Variants in GPC3 observed in about 807,000 individuals in gnomAD.
GPC3 encodes the protein glypican 3, also known as glypican-3.
In GPC3, 3 loss-of-function variants were observed where a neutral mutation model predicts 34.4. That is an observed-to-expected ratio of 0.09 (90% CI 0.04 to 0.23). The LOEUF (loss-of-function observed/expected upper bound fraction) is 0.23. Among genes scored for constraint, GPC3 ranks in the 10% least tolerant of loss-of-function variants. The pLI, the probability that GPC3 is intolerant of heterozygous loss-of-function variation, is 1.00. For missense variants in GPC3, 351 were observed against 445.6 expected, an observed-to-expected ratio of 0.79 and a Z score of 1.91; for synonymous variants, 177 against 174.0, an observed-to-expected ratio of 1.02 and a Z score of -0.13.
chrX:133,587,081 C>T (rs2069795834), intron 7 of GPC3, among the ~76,000 whole-genome samples: 1 of 111,668 alleles, frequency 9.0e-6, no homozygotes, highest in Admixed American at 9.5e-5. Flanking sequence ...AATTTTGTAT[C>T]CTTTGACATG....
chrX:133,917,875 A>G (rs1000502193), intron 2 of GPC3, among the ~76,000 whole-genome samples: 3 of 111,743 alleles, frequency 2.7e-5, no homozygotes, highest in Admixed American at 9.5e-5. Context: ...CAGCTGCTCT[A>G]TCCCTTTGAG....
chrX:133,906,834 T>C (rs2076169828), intron 2 of GPC3, among the ~76,000 whole-genome samples: 2 of 112,137 alleles, frequency 1.8e-5, no homozygotes, highest in Admixed American at 1.9e-4. Flanking sequence ...ATCCCAGCAC[T>C]TTGGGAGGCC....
chrX:133,959,818 G>A (rs2076434305), intron 1 of GPC3, among the ~76,000 whole-genome samples: 2 of 112,012 alleles, frequency 1.8e-5, no homozygotes, highest in Admixed American at 9.5e-5. Flanking sequence ...GTTGGTATAC[G>A]GTTACGTGAC....
At chrX:133,655,476 C>CA (rs1569406868) in intron 6 of GPC3, among the ~76,000 whole-genome samples, 90 of 97,614 alleles carry the variant, frequency 9.2e-4, no homozygotes, top group African/African-American at 3.3e-3. Context: ...CTTCACACAC[C>CA]CACACACACA....
chrX:133,975,353 T>C (rs2076510424), intron 1 of GPC3, among the ~76,000 whole-genome samples: 1 of 112,706 alleles, frequency 8.9e-6, no homozygotes, highest in Non-Finnish European at 1.9e-5. Flanking sequence ...AAATCCCAAC[T>C]ATTCCAGTCC....
chrX:133,559,870 C>A (rs753809151), intron 7 of GPC3, among the ~76,000 whole-genome samples: 2 of 111,388 alleles, frequency 1.8e-5, no homozygotes, highest in Non-Finnish European at 3.8e-5. Context: ...ATCTACCCGC[C>A]CACCCTTTGA....
chrX:133,573,125 T>C (rs1212178974), intron 7 of GPC3, among the ~76,000 whole-genome samples: 1 of 111,548 alleles, frequency 9.0e-6, no homozygotes, highest in African/African-American at 3.3e-5. Context: ...ACAATGTATA[T>C]ACCATATTAA....
chrX:133,721,839 A>G, intron 3 of GPC3, among the ~76,000 whole-genome samples: 1 of 112,141 alleles, frequency 8.9e-6, no homozygotes, highest in Non-Finnish European at 1.9e-5. Context: ...CTCTTAAATA[A>G]AAATTTTGTA....
At chrX:133,958,925 C>T (rs1290086040) in intron 1 of GPC3, among the ~76,000 whole-genome samples, 2 of 109,397 alleles carry the variant, frequency 1.8e-5, no homozygotes, top group African/African-American at 6.6e-5. Context: ...CTTGAAGATA[C>T]AATAAATAGA....
intron 2 of GPC3, among the ~76,000 whole-genome samples, chrX:133,806,548 C>T (rs2075636554): frequency 8.9e-6 from 1 of 111,792 alleles, no homozygotes; most frequent in Non-Finnish European, 1.9e-5. Flanking sequence ...GTAAATTATG[C>T]AGATTTCAAA....
chrX:133,768,093 T>C (rs2071869326), intron 2 of GPC3, among the ~76,000 whole-genome samples: 1 of 110,946 alleles, frequency 9.0e-6, no homozygotes, highest in Admixed American at 9.6e-5. Flanking sequence ...CCCCCAGTTG[T>C]CTTACAAGGC....
chrX:133,974,242 G>C (rs1260559358), intron 1 of GPC3, among the ~76,000 whole-genome samples: 1 of 111,488 alleles, frequency 9.0e-6, no homozygotes, highest in Admixed American at 9.5e-5. Flanking sequence ...AAGAGGCAGG[G>C]TTTCACTATG....
At chrX:133,906,878 A>ACCATCCTGG (rs1391885839) in intron 2 of GPC3, among the ~76,000 whole-genome samples, 2 of 111,781 alleles carry the variant, frequency 1.8e-5, no homozygotes, top group Admixed American at 1.9e-4. Context: ...GGAGATCGAG[A>ACCATCCTGG]CCATCCTGGC....
At chrX:133,601,536 G>A (rs1271741739) in intron 6 of GPC3, among the ~76,000 whole-genome samples, 2 of 111,833 alleles carry the variant, frequency 1.8e-5, no homozygotes, top group African/African-American at 6.5e-5. Flanking sequence ...ATGGGATGAT[G>A]CATCTATCCA....
chrX:133,791,358 C>T (rs1271208370), intron 2 of GPC3, among the ~76,000 whole-genome samples: 1 of 111,422 alleles, frequency 9.0e-6, no homozygotes, highest in Non-Finnish European at 1.9e-5. Flanking sequence ...GCCATTAGTG[C>T]AGGTAGATGC....
chrX:133,789,466 T>A (rs776123066), intron 2 of GPC3, among the ~76,000 whole-genome samples: 1 of 112,138 alleles, frequency 8.9e-6, no homozygotes, highest in East Asian at 2.8e-4. Flanking sequence ...CTGCTTTAAC[T>A]TATATTAATA....
chrX:133,679,821 A>AT (rs1472539416), intron 5 of GPC3, among the ~76,000 whole-genome samples: 4 of 109,880 alleles, frequency 3.6e-5, no homozygotes, highest in Non-Finnish European at 5.7e-5. Flanking sequence ...CGCCCGGCTA[A>AT]TTTTTTGTAT....
At chrX:133,864,157 G>A (rs1178227732) in intron 2 of GPC3, among the ~76,000 whole-genome samples, 1 of 111,155 alleles carries the variant, frequency 9.0e-6, no homozygotes, top group Non-Finnish European at 1.9e-5. Context: ...GGGGAAGAGA[G>A]GGGACAGGAA....
At chrX:133,967,594 C>T (rs1169750533) in intron 1 of GPC3, among the ~76,000 whole-genome samples, 3 of 112,086 alleles carry the variant, frequency 2.7e-5, no homozygotes, top group African/African-American at 9.7e-5. Flanking sequence ...ATATCTGCCT[C>T]ATTTATTTTT....
Sources: gnomAD v4.1 joint callset for allele counts (sites outside exome capture counted in the v4.1 genomes callset) on GRCh38, gnomAD v4.1.1 for gene constraint, MANE v1.5 for transcripts, NCBI Gene and HGNC (gene_info 2026-07-23, HGNC 2026-07-21) for gene names.